Variants in ERCC6L2 observed in about 807,000 individuals in gnomAD.
ERCC6L2 encodes the protein ERCC excision repair 6 like 2.
ERCC6L2 carries 77 observed loss-of-function variants against 132.0 expected under a neutral mutation model. The observed-to-expected ratio is 0.58, with a 90% CI of 0.49 to 0.71. The LOEUF (loss-of-function observed/expected upper bound fraction) is 0.71. ERCC6L2 is among the 30% of genes least tolerant of loss of function. The pLI is 0.00. For synonymous variants in ERCC6L2, 583 were observed against 632.4 expected, an observed-to-expected ratio of 0.92 and a Z score of 1.17; for missense variants, 1,542 against 1,837.6, an observed-to-expected ratio of 0.84 and a Z score of 2.94.
rs1834186783 is a variant in ERCC6L2 at position 96,016,420 on chromosome 9, C to T, written c.*3217C>T. On this transcript the variant is annotated 3_prime_UTR_variant, in exon 19 of 19. Transcript: ENST00000653738. ...AATCTTTTTTACTTAAGCAATGATA[C>T]CGTTTCTGGCTGAACACTCACCACA... Among the ~76,000 whole-genome samples the T allele has an allele frequency of 6.6e-6, 1 of 152,158 alleles. No individual in the cohort carries two copies. Among genetic ancestry groups the T allele is most frequent in the Non-Finnish European group, 1.5e-5 (1 of 68,044 alleles).
At chr9:96,025,553 G>C (rs938769285) in intron 19 of ERCC6L2, among the ~76,000 whole-genome samples, 1 of 151,956 alleles carries the variant, frequency 6.6e-6, no homozygotes, top group African/African-American at 2.4e-5. Flanking sequence ...GGGACACTGA[G>C]CTACACAACA....
Position 96,013,165 on chromosome 9 carries a change from A to T in ERCC6L2, c.4615A>T (p.Thr1539Ser). Residue 1539 changes from threonine to serine, a missense_variant, in exon 19 of 19, where the codon ACA (threonine) becomes TCA (serine). Physicochemically the swap from Thr to Ser is moderately conservative, Grantham distance 58. Transcript: ENST00000653738. ...FLWKKFSPSD[T>S]DENATNTQST... ...ATGGAAGAAATTTAGCCCAAGTGAT[A>T]CAGATGAAAACGCAACCAATACACA... The T allele has an allele frequency of 6.6e-6, 9 of 1,366,052 alleles. No homozygotes were observed. The highest frequency in any genetic ancestry group is 8.8e-6 in the Non-Finnish European group (9 of 1,021,456). The allele number at this position is 1,366,052 out of a possible 1,614,324, so 84.6% of individuals were successfully genotyped here.
At chr9:96,036,730 C>T (rs1834522549) in intron 19 of ERCC6L2, among the ~76,000 whole-genome samples, 1 of 149,778 alleles carries the variant, frequency 6.7e-6, no homozygotes, top group South Asian at 2.1e-4. Context: ...AGGTGAAGCC[C>T]CATTTTTTTA....
At chr9:95,969,832 A>G (rs1364498942) in intron 14 of ERCC6L2, among the ~76,000 whole-genome samples, 3 of 152,152 alleles carry the variant, frequency 2.0e-5, no homozygotes, top group Non-Finnish European at 2.9e-5. Flanking sequence ...GTGTGTCTGT[A>G]TTCTTAAGTT....
At chr9:96,033,721 TA>T (rs1266374409) in intron 19 of ERCC6L2, among the ~76,000 whole-genome samples, 2 of 152,184 alleles carry the variant, frequency 1.3e-5, no homozygotes, top group African/African-American at 4.8e-5. Flanking sequence ...ATCCATGAAA[TA>T]AAAGGAGATG....
intron 5 of ERCC6L2, among the ~76,000 whole-genome samples, 162 bp downstream of exon 5, chr9:95,915,991 C>T (rs1587898470): frequency 6.6e-6 from 1 of 152,142 alleles, no homozygotes; most frequent in East Asian, 1.9e-4. Flanking sequence ...CCCATGAAAA[C>T]CTATCTTTAT....
downstream of ERCC6L2, among the ~76,000 whole-genome samples, chr9:96,023,254 A>T (rs940102670): frequency 1.3e-5 from 2 of 152,192 alleles, no homozygotes; most frequent in Non-Finnish European, 2.9e-5. Flanking sequence ...TATGATTAGC[A>T]TAGGCTCTAG....
chr9:96,018,635 A>ATTT (rs57092627), downstream of ERCC6L2, among the ~76,000 whole-genome samples: 2 of 142,180 alleles, frequency 1.4e-5, no homozygotes, highest in African/African-American at 2.6e-5. Flanking sequence ...TAATTTTTGC[A>ATTT]TTTTTTTTTT....
In ERCC6L2 at chr9:95,896,991, C is replaced by T. The variant is rs7047528; in HGVS notation, c.472-858C>T. 3.0e-4 allele frequency among the ~76,000 whole-genome samples: 46 copies of T among 152,126 alleles called. 1 individual carries two copies. Among genetic ancestry groups the T allele is most frequent in the African/African-American group, 9.9e-4 (41 of 41,546 alleles). On this transcript the variant is annotated intron_variant, in intron 2 of 18. Transcript: ENST00000653738. ...GGGATTCAGATTATAGGTATCCACACCCTTGTTAAGTATACTTTTTTCTAT... is the reference window on the plus strand; with the variant it reads ...GGGATTCAGATTATAGGTATCCACATCCTTGTTAAGTATACTTTTTTCTAT...
At chr9:95,925,348 G>T (rs1441057465) in intron 9 of ERCC6L2, among the ~76,000 whole-genome samples, 3 of 152,174 alleles carry the variant, frequency 2.0e-5, no homozygotes, top group Admixed American at 6.5e-5. Context: ...CAGGAATCCA[G>T]CTTGGTGCTG....
At chr9:96,021,281 T>C (rs932877797), downstream of ERCC6L2, 10 of 342,656 alleles carry the variant, frequency 2.9e-5, no homozygotes, top group East Asian at 8.8e-4. This position sits in a 1 kb window ranked among gnomAD's most constrained non-coding sequence, Gnocchi z 4.7. Flanking sequence ...GCTGCTTTTC[T>C]CTGTAAAGAA....
At chr9:95,907,857 C>CACACACACACACACACACACACACA in intron 4 of ERCC6L2, among the ~76,000 whole-genome samples, 58 of 133,810 alleles carry the variant, frequency 4.3e-4, no homozygotes, top group East Asian at 1.2e-3. Context: ...ACACACACAC[C>CACACACACACACACACACACACACA]CCCACACCCA....
chr9:95,975,842 T>C (rs571329965), intron 16 of ERCC6L2, among the ~76,000 whole-genome samples: 13 of 152,290 alleles, frequency 8.5e-5, no homozygotes, highest in South Asian at 6.2e-4. Context: ...TTCCCACTTA[T>C]GTTCCTTCTA....
At chr9:95,947,426 C>T (rs1431569496) in intron 12 of ERCC6L2, among the ~76,000 whole-genome samples, 3 of 152,160 alleles carry the variant, frequency 2.0e-5, no homozygotes, top group Non-Finnish European at 2.9e-5. Context: ...GGGATTGGTT[C>T]ATGATGTTTA....
intron 11 of ERCC6L2, among the ~76,000 whole-genome samples, chr9:95,934,585 ACT>A (rs1461060397): frequency 6.6e-6 from 1 of 151,946 alleles, no homozygotes; most frequent in East Asian, 1.9e-4. Context: ...TGTCAAAAAG[ACT>A]CTGTAGCATG....
rs1406025656 is a variant in ERCC6L2, at chr9:95,923,289, G to T, written c.1443G>T (p.Gln481His). 9.9e-6 allele frequency: 16 copies of T among 1,613,532 alleles called. No individual in the cohort carries two copies. Among genetic ancestry groups the T allele is most frequent in the Non-Finnish European group, 1.3e-5 (15 of 1,179,790 alleles). The change falls in exon 9 of 19, where the codon CAG becomes CAT. Residue 481 changes from glutamine to histidine, a missense_variant. This residue lies in a region of ERCC6L2 where 945 missense variants were observed against 1,105.2 expected (regional missense o/e 0.86). Transcript: ENST00000653738. ...CACTTATCAAAAGGATATGTGATCA[G>T]GTATTTTCCAGATTCCCAGATTTTG... ...QETLIKRICD[Q>H]VFSRFPDFVQ...
At chr9:95,967,236 C>T (rs1281359635) in intron 14 of ERCC6L2, 4 of 152,022 alleles carry the variant, frequency 2.6e-5, no homozygotes, top group Admixed American at 6.6e-5. Context: ...TATTTTATAT[C>T]CTTTTTTAAA....
At chr9:95,918,490 T>G in intron 6 of ERCC6L2, 1 of 502,538 alleles carries the variant, frequency 2.0e-6, no homozygotes, top group Admixed American at 2.0e-5. Flanking sequence ...GAAATAGGTT[T>G]TGGAAGTAAA....
chr9:95,973,139 A>G (rs1832504206), intron 16 of ERCC6L2, 51 bp downstream of exon 16: 1 of 1,158,118 alleles, frequency 8.6e-7, no homozygotes, highest in South Asian at 1.6e-5. Context: ...TGTTTTATCA[A>G]ATAGTTCTGT....
Sources: gnomAD v4.1 joint callset for allele counts (sites outside exome capture counted in the v4.1 genomes callset) on GRCh38, gnomAD v4.1.1 for gene constraint, gnomAD v4.1.1 regional missense constraint, Gnocchi (gnomAD v3.1) non-coding constraint, MANE v1.5 for transcripts, NCBI Gene and HGNC (gene_info 2026-07-23, HGNC 2026-07-21) for gene names.